The following SRRM3 variants were observed in gnomAD, a reference collection of about 807,000 sequenced individuals.
SRRM3 encodes serine/arginine repetitive matrix 3.
A neutral mutation model predicts 66.2 loss-of-function variants in SRRM3; 27 were observed. That is an observed-to-expected ratio of 0.41 (90% CI 0.30 to 0.56). The LOEUF is 0.56. Ranked by LOEUF, SRRM3 falls within the 20% of genes least tolerant of loss-of-function variation. SRRM3 has a pLI of 0.32. For synonymous variants in SRRM3, 391 were observed against 414.9 expected (o/e 0.94, Z 0.70); for missense variants, 918 against 991.9 (o/e 0.93, Z 1.00).
intron 2 of SRRM3, among the ~76,000 whole-genome samples, chr7:76,244,523 C>CA (rs10611441): frequency 5.8e-4 from 65 of 112,126 alleles, no homozygotes; most frequent in Middle Eastern, 4.4e-3. Context: ...GACTCCATCT[C>CA]AAAAAAAAAA....
intron 3 of SRRM3, among the ~76,000 whole-genome samples, chr7:76,254,845 A>G (rs1554607447): frequency 6.6e-6 from 1 of 152,110 alleles, no homozygotes; most frequent in Non-Finnish European, 1.5e-5. Flanking sequence ...AATTTTAGGG[A>G]CAAGGACAGG....
At chr7:76,260,582 C>T (rs1458525851) in intron 5 of SRRM3, among the ~76,000 whole-genome samples, 1 of 151,296 alleles carries the variant, frequency 6.6e-6, no homozygotes, top group Non-Finnish European at 1.5e-5. Context: ...CTGGGATCCG[C>T]CCCTCACTGA....
At chr7:76,210,752 G>T (rs182083420) in intron 1 of SRRM3, among the ~76,000 whole-genome samples, 5 of 151,778 alleles carry the variant, frequency 3.3e-5, no homozygotes, top group Admixed American at 1.3e-4. Flanking sequence ...GTGAGATCCC[G>T]TCTCTAAAAA....
At chr7:76,272,739 T>A (rs550626269) in intron 11 of SRRM3, among the ~76,000 whole-genome samples, 1 of 152,248 alleles carries the variant, frequency 6.6e-6, no homozygotes, top group South Asian at 2.1e-4. Flanking sequence ...CAGAGAAGGC[T>A]CAGGATCATG....
chr7:76,261,468 G>A (rs542193051), intron 7 of SRRM3, 54 bp downstream of exon 7: 2 of 1,598,640 alleles, frequency 1.3e-6, no homozygotes, highest in East Asian at 2.3e-5. Flanking sequence ...GGGGCCCAGG[G>A]CCAGGGCTGT....
chr7:76,229,119 C>T (rs1554604027), intron 1 of SRRM3, among the ~76,000 whole-genome samples: 1 of 151,916 alleles, frequency 6.6e-6, no homozygotes, highest in Non-Finnish European at 1.5e-5. Flanking sequence ...AGGATGGTCT[C>T]GATCTCCTGA....
intron 1 of SRRM3, among the ~76,000 whole-genome samples, chr7:76,229,187 C>T (rs887958245): frequency 4.0e-5 from 6 of 151,882 alleles, no homozygotes; most frequent in Non-Finnish European, 8.8e-5. Context: ...CATGAGCCAC[C>T]GCGCCCAGCC....
At chr7:76,246,050 C>G (rs1801432613) in intron 2 of SRRM3, among the ~76,000 whole-genome samples, 1 of 152,088 alleles carries the variant, frequency 6.6e-6, no homozygotes, top group Non-Finnish European at 1.5e-5. Context: ...CCTACCTCCC[C>G]CTCACCATGT....
At chr7:76,202,959 A>G (rs1800195198) in intron 1 of SRRM3, among the ~76,000 whole-genome samples, 1 of 152,164 alleles carries the variant, frequency 6.6e-6, no homozygotes, top group Admixed American at 6.5e-5. Context: ...TATCCCAGCC[A>G]TAACTTCTCG....
chr7:76,266,501 T>TAATATATAAATATTTATATATTA (rs1802053188), intron 10 of SRRM3, among the ~76,000 whole-genome samples: 1 of 108,240 alleles, frequency 9.2e-6, no homozygotes, highest in Non-Finnish European at 1.7e-5. Context: ...TTTATATATT[T>TAATATATAAATATTTATATATTA]AATATATAAA....
chr7:76,253,829 C>T (rs7793844), intron 3 of SRRM3, among the ~76,000 whole-genome samples: 45,421 of 143,648 alleles, frequency 0.32, 8,250 homozygotes, highest in East Asian at 0.59. Flanking sequence ...TTCTTAGTGA[C>T]AGTGTCATCT....
At chr7:76,262,364 G>C (rs1256921224) in intron 8 of SRRM3, among the ~76,000 whole-genome samples, 1 of 151,886 alleles carries the variant, frequency 6.6e-6, no homozygotes, top group Non-Finnish European at 1.5e-5. Flanking sequence ...AAATTAGCTG[G>C]GTGTGGTGGC....
At chr7:76,247,089 C>T (rs1314258946) in intron 2 of SRRM3, among the ~76,000 whole-genome samples, 1 of 152,166 alleles carries the variant, frequency 6.6e-6, no homozygotes, top group African/African-American at 2.4e-5. Flanking sequence ...GAGGGAGAGA[C>T]TCCAGAGGAA....
At chr7:76,281,834 G>GGCCCCC in intron 12 of SRRM3, 32 bp downstream of exon 12, 6 of 1,138,368 alleles carry the variant, frequency 5.3e-6, no homozygotes, top group East Asian at 5.2e-5. Context: ...CTGGACTCCC[G>GGCCCCC]CCCCCACCCC....
At chr7:76,261,710 C>A in intron 8 of SRRM3, 129 bp downstream of exon 8, 1 of 1,061,690 alleles carries the variant, frequency 9.4e-7, no homozygotes, top group Non-Finnish European at 1.4e-6. Context: ...TTCCTTCCCA[C>A]AGCCAGGCTG....
chr7:76,258,913 G>A (rs576038940), intron 3 of SRRM3, among the ~76,000 whole-genome samples: 17 of 150,738 alleles, frequency 1.1e-4, no homozygotes, highest in African/African-American at 3.4e-4. Flanking sequence ...AAAAATTAGC[G>A]GGCACCTGTA....
rs1802642538 is a variant in SRRM3, at chr7:76,285,598, C to T, written c.1734-17C>T. The T allele has an allele frequency of 6.5e-7, 1 of 1,544,354 alleles. No homozygotes were observed. The highest frequency in any genetic ancestry group is 2.0e-5 in the Admixed American group (1 of 50,864). On this transcript the variant is annotated splice_polypyrimidine_tract_variant and intron_variant, in intron 14 of 14. Coordinates refer to ENST00000611745, the MANE Select transcript of SRRM3 (RefSeq NM_001110199.3). The surrounding 1 kb of genome is among the most constrained non-coding windows in gnomAD (Gnocchi z 4.1). The stretch of plus-strand genomic sequence containing the variant: ...GGGGCCTGGGATGGCCTGTAATCAG[C>T]TTTTTCTTCCCGGCAGCGCCCGCAA...
In SRRM3 at chr7:76,282,664, C is replaced by T. The variant is rs1397564620; in HGVS notation, c.1387C>T (p.Pro463Ser). The change falls in exon 13 of 15, where the codon CCG becomes TCG. Residue 463 changes from proline (P) to serine (S), a missense_variant. Physicochemically the swap from Pro to Ser is moderately conservative, Grantham distance 74. Coordinates refer to ENST00000611745, the MANE Select transcript of SRRM3 (RefSeq NM_001110199.3). ...GHGKRAKERPPRARPASTSPS... is the reference protein window; with the variant it reads ...GHGKRAKERPSRARPASTSPS... Reference sequence around the variant, plus strand: ...CTCCTCCAGGGCCAAGGAGCGGCCCCCGCGCGCGCGGCCCGCCAGCACCTC... The same window carrying T: ...CTCCTCCAGGGCCAAGGAGCGGCCCTCGCGCGCGCGGCCCGCCAGCACCTC... 1 of 1,407,234 alleles carries T rather than the reference C, an allele frequency of 7.1e-7. No individual in the cohort carries two copies. The highest frequency in any genetic ancestry group is 3.0e-5 in the Admixed American group (1 of 33,002). The allele number at this position is 1,407,234 out of a possible 1,614,324, so 87.2% of individuals were successfully genotyped here. A position where few individuals can be genotyped will look rare whatever the true frequency, so the allele number is the denominator to read the frequency against.
chr7:76,229,148 T>C (rs1375843874), intron 1 of SRRM3, among the ~76,000 whole-genome samples: 2 of 152,094 alleles, frequency 1.3e-5, no homozygotes, highest in Non-Finnish European at 2.9e-5. Flanking sequence ...TCCACCTGCC[T>C]TGTCCTCCCA....
Sources: allele counts gnomAD v4.1 joint callset (sites outside exome capture counted in the v4.1 genomes callset), GRCh38; gene constraint gnomAD v4.1.1; non-coding constraint Gnocchi (gnomAD v3.1); transcripts MANE v1.5; gene names NCBI Gene and HGNC (gene_info 2026-07-23, HGNC 2026-07-21).